The following TTC3 variants were observed in gnomAD, a reference collection of about 807,000 sequenced individuals.
The protein encoded by TTC3 is E3 ubiquitin-protein ligase TTC3.
A neutral mutation model predicts 249.6 loss-of-function variants in TTC3; 180 were observed. The observed-to-expected ratio is 0.72, with a 90% CI of 0.64 to 0.82. The LOEUF (loss-of-function observed/expected upper bound fraction) is 0.82. Ranked by LOEUF, TTC3 falls within the 40% of genes least tolerant of loss-of-function variation. The pLI, the probability that TTC3 is intolerant of heterozygous loss-of-function variation, is 0.00. For missense variants in TTC3, 2,061 were observed against 2,398.4 expected, an observed-to-expected ratio of 0.86 and a Z score of 2.94; for synonymous variants, 717 against 805.0, an observed-to-expected ratio of 0.89 and a Z score of 1.85.
At chr21:37,082,632 C>A in intron 1 of TTC3, 1 of 985,338 alleles carries the variant, frequency 1.0e-6, no homozygotes, top group Non-Finnish European at 1.2e-6. Flanking sequence ...ATTTCTAGCT[C>A]AAGGTTTGTT....
intron 19 of TTC3, 58 bp from the exon 20 acceptor site, chr21:37,140,503 A>G: frequency 1.6e-6 from 2 of 1,214,548 alleles, no homozygotes; most frequent in Non-Finnish European, 2.2e-6. Flanking sequence ...TTTAGATAAA[A>G]TTTATTTCAG....
chr21:37,166,768 C>A (rs1011957215), intron 33 of TTC3, among the ~76,000 whole-genome samples, 153 bp downstream of exon 33: 1 of 152,152 alleles, frequency 6.6e-6, no homozygotes, highest in Admixed American at 6.5e-5. Flanking sequence ...AATATGAACT[C>A]TTTTGTGAGG....
chr21:37,140,544 T>C lies in TTC3; in HGVS notation c.1660-17T>C. The C allele has an allele frequency of 1.3e-6, 2 of 1,502,004 alleles. No individual in the cohort carries two copies. Among genetic ancestry groups the C allele is most frequent in the South Asian group, 2.6e-5 (2 of 77,464 alleles). 93.0% of individuals were successfully genotyped at this position (1,502,004 alleles called of 1,614,324 possible). On this transcript the variant is annotated splice_polypyrimidine_tract_variant and intron_variant, in intron 19 of 45. Coordinates refer to ENST00000355666, the Ensembl canonical transcript of TTC3. The stretch of plus-strand genomic sequence containing the variant: ...CTCTTTGTATGTAAGTGATCATTGT[T>C]TTCACTGCTATTCAAGGAATTATCT...
intron 10 of TTC3, chr21:37,098,522 A>G (rs1049756274): frequency 2.6e-5 from 4 of 152,222 alleles, no homozygotes; most frequent in African/African-American, 9.7e-5. Flanking sequence ...CTCCTTGCTG[A>G]TGGTCTAGCT....
intron 10 of TTC3, chr21:37,096,910 G>T: frequency 3.4e-6 from 1 of 292,868 alleles, no homozygotes; most frequent in Non-Finnish European, 6.3e-6. Context: ...GTAATAGGTA[G>T]GTAATGTTAT....
At chr21:37,158,619 C>A (rs2080354376) in intron 28 of TTC3, among the ~76,000 whole-genome samples, 1 of 152,126 alleles carries the variant, frequency 6.6e-6, no homozygotes, top group Non-Finnish European at 1.5e-5. Flanking sequence ...CATGCATGAT[C>A]CCCTAGGGTA....
At chr21:37,087,838 G>T in exon 3 of TTC3, 1 of 1,591,908 alleles carries the variant, frequency 6.3e-7, no homozygotes, top group Non-Finnish European at 8.6e-7. Flanking sequence ...TTTAGGGTGT[G>T]CAATATAAAG....
chr21:37,154,433 T>A (rs1423246948), intron 27 of TTC3, among the ~76,000 whole-genome samples: 1 of 152,244 alleles, frequency 6.6e-6, no homozygotes, highest in Non-Finnish European at 1.5e-5. Context: ...TAGATCCTCA[T>A]GGATTTGTGA....
Position 37,197,646 on chromosome 21 carries a change from A to AT in TTC3, c.5658dup (p.Val1887CysfsTer11). ...ACTCTCAGGATTGAGTATTGATGAAATTGTCCAAAGAGTGACAGAACACAT... is the reference window on the plus strand; with the variant it reads ...ACTCTCAGGATTGAGTATTGATGAAATTTGTCCAAAGAGTGACAGAACACAT... On this transcript the variant is annotated frameshift_variant, in exon 43 of 46. Transcript: ENST00000355666. LOFTEE classifies it high-confidence loss of function. The AT allele has an allele frequency of 6.2e-7, 1 of 1,612,436 alleles. No homozygotes were observed. Among genetic ancestry groups the AT allele is most frequent in the East Asian group, 2.2e-5 (1 of 44,858 alleles).
chr21:37,092,593 A>G (rs1036696339), intron 7 of TTC3, among the ~76,000 whole-genome samples: 1 of 152,208 alleles, frequency 6.6e-6, no homozygotes, highest in African/African-American at 2.4e-5. Context: ...TATAGTAAGT[A>G]GTAGGTAGTA....
intron 10 of TTC3, among the ~76,000 whole-genome samples, chr21:37,106,559 C>T (rs190206822): frequency 6.6e-6 from 1 of 152,162 alleles, no homozygotes; most frequent in Admixed American, 6.5e-5. Context: ...CCATCTGGAC[C>T]TGGTGTTTGT....
intron 11 of TTC3, among the ~76,000 whole-genome samples, chr21:37,113,725 C>A (rs183186676): frequency 6.6e-6 from 1 of 152,194 alleles, no homozygotes; most frequent in Non-Finnish European, 1.5e-5. Flanking sequence ...GCCCACATTA[C>A]CAAGTCAATC....
intron 36 of TTC3, among the ~76,000 whole-genome samples, chr21:37,183,366 AGATCCTAGGAAT>A (rs575679194): frequency 7.5e-4 from 115 of 152,336 alleles, no homozygotes; most frequent in African/African-American, 2.7e-3. Flanking sequence ...TAACATATAC[AGATCCTAGGAAT>A]GATTGTCAGG....
Position 37,164,162 on chromosome 21 carries a change from C to T in TTC3, c.3282C>T (p.Arg1094=), listed in dbSNP as rs149081817. ...AACACAGTAACGAATATGTTGTCCG[C>T]AATAAGAAGCTATGGGACATGAACC... The change falls in exon 32 of 46, where the codon CGC becomes CGT. Residue 1094 remains arginine (R), a synonymous_variant. Transcript: ENST00000355666. 5.3e-4 allele frequency: 856 copies of T among 1,612,844 alleles called. 2 individuals are homozygous for T. Among genetic ancestry groups the T allele is most frequent in the Non-Finnish European group, 3.1e-4 (365 of 1,179,536 alleles).
intron 35 of TTC3, among the ~76,000 whole-genome samples, chr21:37,174,295 A>T (rs2082054595): frequency 1.3e-5 from 2 of 152,178 alleles, no homozygotes; most frequent in Admixed American, 1.3e-4. Context: ...AGAGTGCCTT[A>T]AAAGGGCAAT....
intron 29 of TTC3, among the ~76,000 whole-genome samples, chr21:37,159,949 A>G (rs1453349518): frequency 6.6e-6 from 1 of 152,240 alleles, no homozygotes; most frequent in Admixed American, 6.5e-5. Flanking sequence ...TCAGCAAACT[A>G]TGAGGCTTAA....
intron 20 of TTC3, among the ~76,000 whole-genome samples, chr21:37,143,095 T>G (rs1239476084): frequency 3.3e-5 from 5 of 152,086 alleles, no homozygotes; most frequent in Non-Finnish European, 4.4e-5. Context: ...AAAAATTAAT[T>G]CAAGATGGAT....
intron 28 of TTC3, among the ~76,000 whole-genome samples, chr21:37,157,849 C>G (rs1447021742): frequency 6.6e-6 from 1 of 152,062 alleles, no homozygotes; most frequent in Non-Finnish European, 1.5e-5. Context: ...TTATAATATT[C>G]CTAGATTCTA....
intron 32 of TTC3, among the ~76,000 whole-genome samples, chr21:37,164,642 G>T (rs1164336976): frequency 6.6e-6 from 1 of 151,992 alleles, no homozygotes; most frequent in Non-Finnish European, 1.5e-5. Flanking sequence ...CCCGCCCTGA[G>T]GATTTTTAAT....
Sources: allele counts gnomAD v4.1 joint callset (sites outside exome capture counted in the v4.1 genomes callset), GRCh38; gene constraint gnomAD v4.1.1; transcripts MANE v1.5; gene names NCBI Gene and HGNC (gene_info 2026-07-23, HGNC 2026-07-21).